GRIA2: variants seen among roughly 807,000 people sequenced by gnomAD.
The protein encoded by GRIA2 is glutamate receptor 2.
A neutral mutation model predicts 97.3 loss-of-function variants in GRIA2; 14 were observed. The ratio of observed to expected loss-of-function variants is 0.14; its 90% CI spans 0.10 to 0.23. The LOEUF (loss-of-function observed/expected upper bound fraction) is 0.23. GRIA2 is among the 10% of genes least tolerant of loss of function. The probability of loss-of-function intolerance (pLI) is 1.00; values close to 1 mark genes in which losing one functional copy is unlikely to be tolerated. For missense variants in GRIA2, 558 were observed against 1,069.8 expected, an observed-to-expected ratio of 0.52 and a Z score of 6.67; for synonymous variants, 412 against 387.8, an observed-to-expected ratio of 1.06 and a Z score of -0.73.
chr4:157,221,475 ACTCT>A, intron 1 of GRIA2, 188 bp from the exon 2 acceptor site: 2 of 600,868 alleles, frequency 3.3e-6, no homozygotes, highest in Admixed American at 3.1e-5. Flanking sequence ...TCGCCTTCAG[ACTCT>A]CATCTGGGTC....
In GRIA2 at chr4:157,222,640, G is replaced by C. The variant is rs1729554160; in HGVS notation, c.229+833G>C. On this transcript the variant is annotated intron_variant, in intron 2 of 15. Transcript: ENST00000264426. ...GCTGGGCTCCAGCAGAGGCAGCCGG[G>C]GAAAAGGACTGGGAAGCCGTGGGAT... 3.3e-5 allele frequency among the ~76,000 whole-genome samples: 5 copies of C among 152,350 alleles called. No homozygotes were observed. In the South Asian group the frequency reaches 8.3e-4, roughly 25 times the overall value.
intron 2 of GRIA2, among the ~76,000 whole-genome samples, chr4:157,247,479 C>T (rs1478986035): frequency 2.0e-5 from 3 of 151,914 alleles, no homozygotes; most frequent in African/African-American, 4.8e-5. Flanking sequence ...AGAAGGTGGT[C>T]AATGAAGGAT....
intron 1 of GRIA2, 179 bp downstream of exon 1, chr4:157,221,309 C>G (rs1479570150): frequency 5.1e-6 from 3 of 583,274 alleles, no homozygotes; most frequent in African/African-American, 3.8e-5. Flanking sequence ...AAAGACTATG[C>G]CTTTGATACA....
At chr4:157,340,176 T>C (rs1000545046) in intron 11 of GRIA2, among the ~76,000 whole-genome samples, 1 of 151,896 alleles carries the variant, frequency 6.6e-6, no homozygotes, top group African/African-American at 2.4e-5. Flanking sequence ...TTACTGTTAA[T>C]TGTCAGAAAC....
At chr4:157,258,600 G>A (rs1001095750) in intron 2 of GRIA2, among the ~76,000 whole-genome samples, 19 of 152,130 alleles carry the variant, frequency 1.2e-4, no homozygotes, top group African/African-American at 4.6e-4. Flanking sequence ...CATTTGCCTT[G>A]TGATATTTTA....
chr4:157,308,769 G>C (rs1385261832), intron 3 of GRIA2, among the ~76,000 whole-genome samples: 1 of 152,142 alleles, frequency 6.6e-6, no homozygotes, highest in Non-Finnish European at 1.5e-5. Context: ...GGAAGGAATA[G>C]AGGCAGATCT....
intron 2 of GRIA2, among the ~76,000 whole-genome samples, chr4:157,270,910 T>C (rs1238188449): frequency 6.8e-6 from 1 of 147,530 alleles, no homozygotes; most frequent in Non-Finnish European, 1.5e-5. Flanking sequence ...TTGTACATTA[T>C]TGGAACTACA....
intron 2 of GRIA2, among the ~76,000 whole-genome samples, chr4:157,241,553 T>A (rs1730511787): frequency 6.6e-6 from 1 of 152,098 alleles, no homozygotes; most frequent in Non-Finnish European, 1.5e-5. Context: ...TTGTATTTAG[T>A]GTAACATAGA....
intron 2 of GRIA2, among the ~76,000 whole-genome samples, chr4:157,228,078 C>G (rs961463893): frequency 6.6e-6 from 1 of 152,074 alleles, no homozygotes; most frequent in African/African-American, 2.4e-5. Context: ...TTAAAATTAA[C>G]GAGGAGAATG....
At chr4:157,328,237 A>C (rs144346534) in intron 6 of GRIA2, among the ~76,000 whole-genome samples, 1 of 152,186 alleles carries the variant, frequency 6.6e-6, no homozygotes, top group African/African-American at 2.4e-5. Flanking sequence ...TTATCTGTAA[A>C]GGGAACAAGT....
chr4:157,250,966 T>G lies in GRIA2; in HGVS notation c.229+29159T>G, dbSNP rs182804310. ...TCTTGCTGTTGATGTTTCTGCCCTA[T>G]TGCTCTGTTTTTCTCCTTTCACCTT... On this transcript the variant is annotated intron_variant, in intron 2 of 15. Coordinates refer to ENST00000264426, the MANE Select transcript of GRIA2 (RefSeq NM_001083619.3). Among the ~76,000 whole-genome samples the G allele has an allele frequency of 1.4e-3, 215 of 152,200 alleles. 1 individual carries two copies. The highest frequency in any genetic ancestry group is 2.6e-4 in the Non-Finnish European group (18 of 67,974).
At chr4:157,257,362 G>A (rs543085504) in intron 2 of GRIA2, among the ~76,000 whole-genome samples, 5 of 152,156 alleles carry the variant, frequency 3.3e-5, no homozygotes, top group African/African-American at 1.2e-4. Flanking sequence ...CACCATTGAA[G>A]GGAGATTTTA....
intron 2 of GRIA2, among the ~76,000 whole-genome samples, chr4:157,256,190 A>T (rs1477168729): frequency 7.4e-6 from 1 of 135,828 alleles, no homozygotes; most frequent in South Asian, 2.1e-4. Context: ...TATAATATAT[A>T]ACATATATTA....
chr4:157,333,866 A>G lies in GRIA2; in HGVS notation c.1156-144A>G, dbSNP rs148690423. On this transcript the variant is annotated intron_variant, in intron 8 of 15. Coordinates refer to ENST00000264426, the MANE Select transcript of GRIA2 (RefSeq NM_001083619.3). ...TTCCTTTTATTCCTGTTAGATTCAC[A>G]TATATAAAAGACATTTCTATTTAGA... 8.9e-4 allele frequency: 477 copies of G among 537,854 alleles called. 1 individual carries two copies. Among genetic ancestry groups the G allele is most frequent in the Admixed American group, 2.1e-3 (68 of 31,744 alleles). The allele number at this position is 537,854 out of a possible 1,614,324, so 33.3% of individuals were successfully genotyped here. A position where few individuals can be genotyped will look rare whatever the true frequency, so the allele number is the denominator to read the frequency against.
chr4:157,339,022 G>A (rs1048829154), intron 11 of GRIA2, among the ~76,000 whole-genome samples: 3 of 151,744 alleles, frequency 2.0e-5, no homozygotes. Context: ...AATGTTAATA[G>A]GACACATTTA....
At chr4:157,281,504 T>C (rs1217307910) in intron 2 of GRIA2, among the ~76,000 whole-genome samples, 1 of 152,164 alleles carries the variant, frequency 6.6e-6, no homozygotes, top group African/African-American at 2.4e-5. Flanking sequence ...ATGGTTTTAT[T>C]TGGGGCTCAT....
At position 157,253,032 on chromosome 4, in the gene GRIA2, C is replaced by G. The variant is rs146607502; in HGVS notation, c.229+31225C>G. On this transcript the variant is annotated intron_variant, in intron 2 of 15. Transcript: ENST00000264426. ...GGGGGGACCATGTAGTTATTTTTCA[C>G]AAAATATGTTATTAATATAAAATTG... Among the ~76,000 whole-genome samples, 740 of 151,774 alleles carry G rather than the reference C, an allele frequency of 4.9e-3. 4 individuals are homozygous for G. Among genetic ancestry groups the G allele is most frequent in the Non-Finnish European group, 8.1e-3 (552 of 67,916 alleles).
intron 2 of GRIA2, among the ~76,000 whole-genome samples, chr4:157,246,221 C>T (rs1402743537): frequency 6.6e-6 from 1 of 152,026 alleles, no homozygotes; most frequent in African/African-American, 2.4e-5. Flanking sequence ...GGAATTCTAA[C>T]TCTGCTACTT....
At chr4:157,253,184 T>G (rs1731090734) in intron 2 of GRIA2, among the ~76,000 whole-genome samples, 1 of 151,866 alleles carries the variant, frequency 6.6e-6, no homozygotes, top group Admixed American at 6.6e-5. Flanking sequence ...TGGCATTATC[T>G]TGGCTCACTG....
Sources: allele counts gnomAD v4.1 joint callset (sites outside exome capture counted in the v4.1 genomes callset), GRCh38; gene constraint gnomAD v4.1.1; transcripts MANE v1.5; gene names NCBI Gene and HGNC (gene_info 2026-07-23, HGNC 2026-07-21).